The following CACNA1C variants were observed in gnomAD, a reference collection of about 807,000 sequenced individuals.
CACNA1C encodes the protein voltage-dependent L-type calcium channel subunit alpha-1C.
Under a neutral mutation model 229.0 loss-of-function variants are expected in CACNA1C, and 30 were observed. The observed-to-expected ratio is 0.13, with a 90% CI of 0.10 to 0.18. The LOEUF (loss-of-function observed/expected upper bound fraction) is 0.18. Ranked by LOEUF, CACNA1C falls within the 10% of genes least tolerant of loss-of-function variation. The pLI is 1.00. For missense variants in CACNA1C, 1,658 were observed against 2,845.0 expected (o/e 0.58, Z 9.49); for synonymous variants, 1,114 against 1,132.5 (o/e 0.98, Z 0.33).
intron 3 of CACNA1C, among the ~76,000 whole-genome samples, chr12:2,131,666 C>A (rs921382119): frequency 2.1e-4 from 30 of 145,390 alleles, no homozygotes; most frequent in African/African-American, 6.2e-4. Flanking sequence ...TGATCTATAT[C>A]TCTGTTTTGG....
At chr12:2,452,695 G>A (rs369914767) in intron 4 of CACNA1C, among the ~76,000 whole-genome samples, 3 of 152,140 alleles carry the variant, frequency 2.0e-5, no homozygotes, top group Admixed American at 6.5e-5. Context: ...AATTAAAAGC[G>A]GATACTTAAT....
At chr12:2,457,484 C>T (rs545460343) in intron 4 of CACNA1C, 83 bp from the exon 5 acceptor site, 23 of 1,459,916 alleles carry the variant, frequency 1.6e-5, no homozygotes, top group Middle Eastern at 1.8e-4. Flanking sequence ...TCTGCTTTTC[C>T]GGGCTGTATC....
intron 5 of CACNA1C, among the ~76,000 whole-genome samples, chr12:2,459,522 G>A (rs2099484829): frequency 2.0e-5 from 3 of 152,276 alleles, no homozygotes; most frequent in South Asian, 2.1e-4. Context: ...CAAAAGGCAC[G>A]CAGAGCTGAG....
At chr12:2,105,278 T>C (rs1411230400) in intron 1 of CACNA1C, among the ~76,000 whole-genome samples, 2 of 152,198 alleles carry the variant, frequency 1.3e-5, no homozygotes, top group Non-Finnish European at 2.9e-5. Context: ...AGGTGGGTTG[T>C]AGGACAGAAA....
At chr12:2,172,730 C>A (rs1042564182) in intron 3 of CACNA1C, among the ~76,000 whole-genome samples, 1 of 152,108 alleles carries the variant, frequency 6.6e-6, no homozygotes, top group African/African-American at 2.4e-5. Context: ...ATTATCTTAA[C>A]GTCACAGAAA....
chr12:2,459,665 T>C (rs1418836460), intron 5 of CACNA1C, among the ~76,000 whole-genome samples: 1 of 152,096 alleles, frequency 6.6e-6, no homozygotes, highest in Non-Finnish European at 1.5e-5. Flanking sequence ...GTTTTCCTGG[T>C]CAATCAGCCA....
intron 3 of CACNA1C, among the ~76,000 whole-genome samples, chr12:2,312,832 T>C (rs1374786114): frequency 6.6e-6 from 1 of 152,172 alleles, no homozygotes; most frequent in Non-Finnish European, 1.5e-5. Context: ...TTTACATGAA[T>C]GACTGTTGAG....
chr12:2,278,360 A>G (rs2089749199), intron 3 of CACNA1C, among the ~76,000 whole-genome samples: 1 of 152,228 alleles, frequency 6.6e-6, no homozygotes, highest in African/African-American at 2.4e-5. Context: ...GAGGGTGAGC[A>G]TATCCATCAC....
chr12:2,685,899 G>A (rs2097436293), intron 44 of CACNA1C, 57 bp downstream of exon 44: 1 of 1,264,730 alleles, frequency 7.9e-7, no homozygotes, highest in Non-Finnish European at 1.2e-6. Context: ...AGAGAACACT[G>A]GTCAGGGATG....
Position 2,111,103 on chromosome 12 carries a change from T to C in CACNA1C, c.50-4121T>C, listed in dbSNP as rs2081550859. On this transcript the variant is annotated intron_variant, in intron 1 of 46. Transcript: ENST00000399655. ...ATGCGCAGAGCTGCCAGGACCAAAA[T>C]AGTGTAGGTTGTTTTCTTGGCCTCT... Among the ~76,000 whole-genome samples the C allele has an allele frequency of 2.0e-5, 3 of 152,204 alleles. No homozygotes were observed. The South Asian group carries it at 6.2e-4, about 32-fold the overall frequency.
Position 2,215,975 on chromosome 12 carries a change from C to A in CACNA1C, c.477+95545C>A, listed in dbSNP as rs577906817. 1.4e-4 allele frequency among the ~76,000 whole-genome samples: 22 copies of A among 152,334 alleles called. No homozygotes were observed. Among genetic ancestry groups the A allele is most frequent in the African/African-American group, 5.3e-4 (22 of 41,570 alleles). On this transcript the variant is annotated intron_variant, in intron 3 of 46. Coordinates refer to ENST00000399655, the MANE Select transcript of CACNA1C (RefSeq NM_000719.7). The surrounding 1 kb of genome is among the most constrained non-coding windows in gnomAD (Gnocchi z 5.0). Reference sequence around the variant, plus strand: ...ACCATGCCGCCCATCAGTTGACATGCTCTGTTGTCAAGAACACAAGAACCA... The same window carrying A: ...ACCATGCCGCCCATCAGTTGACATGATCTGTTGTCAAGAACACAAGAACCA...
At chr12:2,351,920 T>C (rs1249457939) in intron 3 of CACNA1C, among the ~76,000 whole-genome samples, 1 of 152,196 alleles carries the variant, frequency 6.6e-6, no homozygotes, top group Non-Finnish European at 1.5e-5. Flanking sequence ...TGGAAAGTCC[T>C]GAGGACAAAG....
chr12:2,039,089 A>G (rs1355171943), intron 1 of CACNA1C, among the ~76,000 whole-genome samples: 1 of 152,246 alleles, frequency 6.6e-6, no homozygotes, highest in African/African-American at 2.4e-5. Context: ...TATGAGGCCA[A>G]CAGACAGCCC....
At chr12:2,345,489 A>C (rs1007869689) in intron 3 of CACNA1C, among the ~76,000 whole-genome samples, 4 of 152,222 alleles carry the variant, frequency 2.6e-5, no homozygotes, top group Non-Finnish European at 5.9e-5. Context: ...ACACATACTA[A>C]CTCAGTAACT....
chr12:2,624,295 A>G (rs1012224394), intron 29 of CACNA1C, among the ~76,000 whole-genome samples: 3 of 152,224 alleles, frequency 2.0e-5, no homozygotes, highest in African/African-American at 7.2e-5. Context: ...TGAAAGTCCC[A>G]CAACGTGTGA....
At chr12:2,093,347 T>G (rs2072225384) in intron 1 of CACNA1C, among the ~76,000 whole-genome samples, 1 of 152,220 alleles carries the variant, frequency 6.6e-6, no homozygotes, top group Non-Finnish European at 1.5e-5. Flanking sequence ...TGATGCTTCT[T>G]GACCACTTGT....
intron 27 of CACNA1C, 54 bp from the exon 28 acceptor site, chr12:2,610,487 C>T: frequency 6.4e-7 from 1 of 1,561,406 alleles, no homozygotes; most frequent in Non-Finnish European, 8.7e-7. Context: ...CCAGCTCCCC[C>T]CACACCCTCC....
chr12:2,638,415 G>A (rs1288889336), intron 30 of CACNA1C, among the ~76,000 whole-genome samples: 1 of 152,118 alleles, frequency 6.6e-6, no homozygotes, highest in Admixed American at 6.5e-5. Flanking sequence ...GGAAAGGAGA[G>A]GTGAGGGTAG....
At chr12:2,465,463 C>T (rs1364711938) in intron 5 of CACNA1C, among the ~76,000 whole-genome samples, 1 of 152,102 alleles carries the variant, frequency 6.6e-6, no homozygotes, top group African/African-American at 2.4e-5. Context: ...GATGGAAGGA[C>T]ATCTGAGGGT....
Sources: allele counts gnomAD v4.1 joint callset (sites outside exome capture counted in the v4.1 genomes callset), GRCh38; gene constraint gnomAD v4.1.1; non-coding constraint Gnocchi (gnomAD v3.1); transcripts MANE v1.5; gene names NCBI Gene and HGNC (gene_info 2026-07-23, HGNC 2026-07-21).